The following CRYL1 variants were observed in gnomAD, a reference collection of about 807,000 sequenced individuals.
CRYL1 encodes crystallin lambda 1, also known as lambda-crystallin homolog.
In CRYL1, 29 loss-of-function variants were observed where a neutral mutation model predicts 36.6. The ratio of observed to expected loss-of-function variants is 0.79; its 90% confidence interval spans 0.59 to 1.08. The LOEUF (loss-of-function observed/expected upper bound fraction) is 1.08, where lower values mean the gene tolerates loss of function less well. Ranked by LOEUF, CRYL1 falls within the 50% of genes least tolerant of loss-of-function variation. The pLI, the probability that CRYL1 is intolerant of heterozygous loss-of-function variation, is 0.00. For synonymous variants in CRYL1, 152 were observed against 151.5 expected, an observed-to-expected ratio of 1.00 and a Z score of -0.02; for missense variants, 411 against 407.9, an observed-to-expected ratio of 1.01 and a Z score of -0.06.
At chr13:20,475,194 C>T (rs1478453241) in intron 3 of CRYL1, among the ~76,000 whole-genome samples, 1 of 152,166 alleles carries the variant, frequency 6.6e-6, no homozygotes, top group Non-Finnish European at 1.5e-5. Flanking sequence ...CTCAGGAGCA[C>T]CGGGAAGAGG....
At chr13:20,407,727 A>T (rs543481729) in intron 6 of CRYL1, among the ~76,000 whole-genome samples, 23 of 152,276 alleles carry the variant, frequency 1.5e-4, no homozygotes, top group Non-Finnish European at 2.6e-4. Flanking sequence ...TTCTTAAGAG[A>T]TGCTTATCCA....
chr13:20,524,407 C>G (rs764239847), intron 1 of CRYL1, among the ~76,000 whole-genome samples: 56 of 151,382 alleles, frequency 3.7e-4, no homozygotes, highest in Non-Finnish European at 6.9e-4. Flanking sequence ...GACGGAGTTT[C>G]GCTCTTATTG....
At chr13:20,521,205 C>A (rs1407230686) in intron 1 of CRYL1, among the ~76,000 whole-genome samples, 1 of 151,088 alleles carries the variant, frequency 6.6e-6, no homozygotes, top group Non-Finnish European at 1.5e-5. Flanking sequence ...TAAATTGGAC[C>A]CAAAATACAG....
chr13:20,459,495 T>C (rs1026371405), intron 3 of CRYL1, among the ~76,000 whole-genome samples: 8 of 152,096 alleles, frequency 5.3e-5, no homozygotes, highest in Non-Finnish European at 1.0e-4. Context: ...GTGGTACATA[T>C]ACACCATGGA....
chr13:20,519,045 T>C (rs1452625311), intron 1 of CRYL1, among the ~76,000 whole-genome samples: 2 of 152,148 alleles, frequency 1.3e-5, no homozygotes, highest in Non-Finnish European at 2.9e-5. Context: ...AGTATCCAGG[T>C]TCAGAGCCAA....
intron 1 of CRYL1, among the ~76,000 whole-genome samples, chr13:20,519,465 C>T (rs4770049): frequency 0.84 from 128,472 of 152,070 alleles, 57,207 homozygotes; most frequent in East Asian, 1. Context: ...TGGAACATGA[C>T]AAATGACACT....
At chr13:20,523,642 G>A (rs1444636734) in intron 1 of CRYL1, among the ~76,000 whole-genome samples, 5 of 152,054 alleles carry the variant, frequency 3.3e-5, no homozygotes, top group Non-Finnish European at 7.4e-5. Context: ...AGAAAGAAGG[G>A]TGGTAAAGAG....
intron 5 of CRYL1, among the ~76,000 whole-genome samples, chr13:20,424,263 G>A (rs545490180): frequency 7.9e-5 from 12 of 152,302 alleles, no homozygotes; most frequent in East Asian, 5.8e-4. Flanking sequence ...TGATGTATCC[G>A]CTCTAACGAC....
chr13:20,456,649 T>C (rs1363838038), intron 3 of CRYL1, among the ~76,000 whole-genome samples: 2 of 87,884 alleles, frequency 2.3e-5, no homozygotes, highest in African/African-American at 4.2e-5. Context: ...AAGACCACGA[T>C]TCTTAAAACA....
At position 20,413,416 on chromosome 13, in the gene CRYL1, G is replaced by A. The variant is rs778322164; in HGVS notation, c.634-29C>T. On this transcript the variant is annotated intron_variant, in intron 5 of 7. Transcript: ENST00000298248. Reference sequence around the variant, plus strand: ...CGTGGAGAAATTGGGCGGCATAGATGAGTTTTGTAAAAAGACAATTTCATG... The same window carrying A: ...CGTGGAGAAATTGGGCGGCATAGATAAGTTTTGTAAAAAGACAATTTCATG... 7 of 1,450,892 alleles carry A rather than the reference G, an allele frequency of 4.8e-6. No homozygotes were observed. The African/African-American group carries it at 5.6e-5, about 12-fold the overall frequency. 89.9% of individuals were successfully genotyped at this position (1,450,892 alleles called of 1,614,324 possible). A position where few individuals can be genotyped will look rare whatever the true frequency, so the allele number is the denominator to read the frequency against.
chr13:20,525,761 C>T lies in CRYL1; in HGVS notation c.34G>A (p.Val12Ile). The T allele has an allele frequency of 7.6e-7, 1 of 1,322,390 alleles. No individual in the cohort carries two copies. The highest frequency in any genetic ancestry group is 9.7e-7 in the Non-Finnish European group (1 of 1,033,954). The allele number at this position is 1,322,390 out of a possible 1,614,324, so 81.9% of individuals were successfully genotyped here. The part of the protein sequence containing the change: ...ASSAAGCVVI[V>I]GSGVIGRSWA... ...CGGCTCGGAGCCCTTTACCTGCCAA[C>T]GATCACCACGCAGCCGGCCGCGGAG... The change falls in exon 1 of 8, where the codon GTT becomes ATT. Residue 12 changes from valine to isoleucine, a missense_variant. Physicochemically the swap from Val to Ile is conservative, Grantham distance 29. Coordinates refer to ENST00000298248, the MANE Select transcript of CRYL1 (RefSeq NM_015974.3). The surrounding 1 kb of genome is among the most constrained non-coding windows in gnomAD (Gnocchi z 4.3).
chr13:20,518,475 G>C (rs1045029694), intron 1 of CRYL1, among the ~76,000 whole-genome samples: 1 of 152,138 alleles, frequency 6.6e-6, no homozygotes, highest in African/African-American at 2.4e-5. Flanking sequence ...GGGGCGGTGG[G>C]GGGAGAGGAA....
chr13:20,521,998 C>A (rs1009591840), intron 1 of CRYL1, among the ~76,000 whole-genome samples: 3 of 152,104 alleles, frequency 2.0e-5, no homozygotes, highest in East Asian at 3.9e-4. Flanking sequence ...CAAAAATTAG[C>A]AGGAAAATAC....
chr13:20,455,162 A>C (rs2032655747), intron 3 of CRYL1, among the ~76,000 whole-genome samples: 1 of 152,250 alleles, frequency 6.6e-6, no homozygotes, highest in African/African-American at 2.4e-5. Flanking sequence ...AAATCAAAAA[A>C]AATGTTAAAT....
At chr13:20,496,280 A>G (rs2033603307) in intron 2 of CRYL1, among the ~76,000 whole-genome samples, 1 of 152,206 alleles carries the variant, frequency 6.6e-6, no homozygotes. Flanking sequence ...TTTAATGGGC[A>G]CAGAGTTCAG....
At chr13:20,468,446 G>A (rs1233343500) in intron 3 of CRYL1, among the ~76,000 whole-genome samples, 1 of 151,942 alleles carries the variant, frequency 6.6e-6, no homozygotes, top group Non-Finnish European at 1.5e-5. Context: ...CTTTTTTGTT[G>A]AAGTCGAACT....
At chr13:20,460,623 T>C (rs1460043899) in intron 3 of CRYL1, among the ~76,000 whole-genome samples, 1 of 145,206 alleles carries the variant, frequency 6.9e-6, no homozygotes, top group Non-Finnish European at 1.5e-5. Context: ...CCACCCGGGT[T>C]CACGCCATTC....
In CRYL1 at chr13:20,404,725, G is replaced by A. The variant is rs147724770; in HGVS notation, c.756C>T (p.Cys252=). The A allele has an allele frequency of 1.0e-4, 169 of 1,611,880 alleles. 2 individuals carry two copies. In the Middle Eastern group the frequency reaches 1.3e-3, roughly 13 times the overall value. ...HLNAEGMLSY[C]DRYSEGIKHV... is the part of the protein sequence containing the mutation. The stretch of plus-strand genomic sequence containing the variant: ...GTTTTATGCCTTCGCTGTATCTGTC[G>A]CAGTAGCTTAACATACCTGGAATTG... Residue 252 remains cysteine (C), a synonymous_variant, in exon 7 of 8, where the codon TGC becomes TGT. Coordinates refer to ENST00000298248, the MANE Select transcript of CRYL1 (RefSeq NM_015974.3).
At chr13:20,521,102 CAAAAAAAAAAA>C (rs55882188) in intron 1 of CRYL1, among the ~76,000 whole-genome samples, 1 of 75,594 alleles carries the variant, frequency 1.3e-5, no homozygotes, top group Non-Finnish European at 2.3e-5. Flanking sequence ...GACTCCGTCT[CAAAAAAAAAAA>C]AAAAAAAAAA....
Sources: allele counts gnomAD v4.1 joint callset (sites outside exome capture counted in the v4.1 genomes callset), GRCh38; gene constraint gnomAD v4.1.1; non-coding constraint Gnocchi (gnomAD v3.1); transcripts MANE v1.5; gene names NCBI Gene and HGNC (gene_info 2026-07-23, HGNC 2026-07-21).